Variants in AGBL1 observed in about 807,000 individuals in gnomAD.
AGBL1 encodes AGBL carboxypeptidase 1, also known as cytosolic carboxypeptidase 4.
A neutral mutation model predicts 118.9 loss-of-function variants in AGBL1; 130 were observed. The observed-to-expected ratio is 1.09, with a 90% CI of 0.95 to 1.26. The LOEUF (loss-of-function observed/expected upper bound fraction) is 1.26. AGBL1 is among the 50% of genes most tolerant of loss of function. The probability of loss-of-function intolerance (pLI) is 0.00; values close to 1 mark genes in which losing one functional copy is unlikely to be tolerated. For synonymous variants in AGBL1, 555 were observed against 478.9 expected (o/e 1.16, Z -2.08); for missense variants, 1,584 against 1,298.1 (o/e 1.22, Z -3.38).
chr15:86,389,942 G>C (rs1389342273), intron 17 of AGBL1, among the ~76,000 whole-genome samples: 1 of 151,982 alleles, frequency 6.6e-6, no homozygotes, highest in African/African-American at 2.4e-5. Flanking sequence ...ATATCAAATG[G>C]AAATTTTGAC....
rs1000196603 is a variant in AGBL1, at chr15:86,538,366, G to A, written c.2686-7636G>A. 1.4e-4 allele frequency among the ~76,000 whole-genome samples: 22 copies of A among 152,152 alleles called. 2 individuals carry two copies. The highest frequency in any genetic ancestry group is 1.4e-3 in the Admixed American group (21 of 15,290). On this transcript the variant is annotated intron_variant, in intron 19 of 22. Transcript: ENST00000614907. ...TGGTTAACCTCAGCTAGGACTGGATGTTGCTGATGACTCAGATGAAGCACT... is the reference window on the plus strand; with the variant it reads ...TGGTTAACCTCAGCTAGGACTGGATATTGCTGATGACTCAGATGAAGCACT...
chr15:86,216,698 T>C (rs1376730570), intron 5 of AGBL1, among the ~76,000 whole-genome samples: 1 of 152,198 alleles, frequency 6.6e-6, no homozygotes, highest in Non-Finnish European at 1.5e-5. Context: ...TGGCTTCTAC[T>C]CTTGTCTTCC....
At chr15:86,679,838 G>C (rs1255000054) in intron 22 of AGBL1, among the ~76,000 whole-genome samples, 1 of 152,042 alleles carries the variant, frequency 6.6e-6, no homozygotes, top group Non-Finnish European at 1.5e-5. Flanking sequence ...AAATCTTATA[G>C]ATTTTCTAAT....
At chr15:86,324,068 A>G (rs1702655152) in intron 17 of AGBL1, among the ~76,000 whole-genome samples, 1 of 152,224 alleles carries the variant, frequency 6.6e-6, no homozygotes, top group African/African-American at 2.4e-5. Context: ...AGTCATAAGC[A>G]TGTCTCATTC....
chr15:86,931,474 C>T lies in AGBL1; in HGVS notation c.3222-56513C>T, dbSNP rs76082024. Among the ~76,000 whole-genome samples the T allele has an allele frequency of 4.8e-3, 723 of 152,114 alleles. 44 individuals are homozygous for T. In the East Asian group the frequency reaches 0.12, roughly 26 times the overall value. ...GCCTTACCATGCTGGGCAAGTGGAC[C>T]CCAGTTCAGTTTGGTAACAATAGGA... On this transcript the variant is annotated intron_variant, in intron 23 of 24. Coordinates refer to the AGBL1 transcript ENST00000441037.
chr15:86,725,331 G>A (rs1303636818), intron 22 of AGBL1, among the ~76,000 whole-genome samples: 1 of 152,184 alleles, frequency 6.6e-6, no homozygotes, highest in Non-Finnish European at 1.5e-5. Flanking sequence ...CACAGAAAAT[G>A]ATCAAGTAAT....
Position 86,264,263 on chromosome 15 carries a change from G to C in AGBL1, c.1092G>C (p.Leu364=). ...CLELSYSFEE[L]QSKLGDDLNS... ...ATTCCATTTTGAACCTGAAGGAACTGCAGTCCAAACTTGGAGATGATTTGA... is the reference window on the plus strand; with the variant it reads ...ATTCCATTTTGAACCTGAAGGAACTCCAGTCCAAACTTGGAGATGATTTGA... The change falls in exon 11 of 23, where the codon CTG becomes CTC. Residue 364 remains leucine (L), a synonymous_variant. Transcript: ENST00000614907. 6.3e-7 allele frequency: 1 copy of C among 1,590,150 alleles called. No homozygotes were observed. The highest frequency in any genetic ancestry group is 8.6e-7 in the Non-Finnish European group (1 of 1,168,216).
intron 6 of AGBL1, among the ~76,000 whole-genome samples, chr15:86,229,390 A>G (rs924625030): frequency 1.3e-5 from 2 of 152,090 alleles, no homozygotes; most frequent in Admixed American, 6.5e-5. Context: ...GGGCAAAAAA[A>G]CCCTTATGAA....
chr15:86,817,713 T>A (rs572917208), intron 22 of AGBL1, among the ~76,000 whole-genome samples: 1 of 151,882 alleles, frequency 6.6e-6, no homozygotes, highest in African/African-American at 2.4e-5. Flanking sequence ...TGGGTTGAAT[T>A]GTGGTCCTCC....
chr15:86,404,103 G>C (rs2081488361), intron 18 of AGBL1, among the ~76,000 whole-genome samples: 2 of 152,150 alleles, frequency 1.3e-5, no homozygotes, highest in Non-Finnish European at 1.5e-5. Flanking sequence ...TATAAATAGA[G>C]TCTTAGCCCC....
chr15:87,027,881 G>A (rs1391541651), intron 24 of AGBL1, among the ~76,000 whole-genome samples: 1 of 151,842 alleles, frequency 6.6e-6, no homozygotes, highest in East Asian at 1.9e-4. Context: ...GGGGCCTCTC[G>A]AGGGGTGTAG....
intron 22 of AGBL1, among the ~76,000 whole-genome samples, chr15:86,900,787 T>C (rs1413928947): frequency 2.0e-5 from 3 of 152,156 alleles, no homozygotes; most frequent in Non-Finnish European, 4.4e-5. Flanking sequence ...GATTGTGTCT[T>C]CTTTAAAGCT....
At chr15:86,407,698 A>T (rs2081549899) in intron 18 of AGBL1, among the ~76,000 whole-genome samples, 2 of 152,148 alleles carry the variant, frequency 1.3e-5, no homozygotes, top group Non-Finnish European at 2.9e-5. Context: ...GTCATCATTT[A>T]CTGTCTTGAA....
chr15:86,847,277 G>A (rs987060339), intron 22 of AGBL1, among the ~76,000 whole-genome samples: 4 of 152,152 alleles, frequency 2.6e-5, no homozygotes, highest in African/African-American at 9.7e-5. Flanking sequence ...TCTAATCACT[G>A]CTTGTTCTTT....
intron 3 of AGBL1, among the ~76,000 whole-genome samples, chr15:86,145,522 G>A (rs2077021203): frequency 6.6e-6 from 1 of 152,138 alleles, no homozygotes; most frequent in African/African-American, 2.4e-5. Context: ...CTGAAAAGTG[G>A]GCCTTTGATG....
intron 22 of AGBL1, among the ~76,000 whole-genome samples, chr15:86,848,565 T>TGGTCCC (rs2079352687): frequency 6.6e-6 from 1 of 152,190 alleles, no homozygotes; most frequent in South Asian, 2.1e-4. Context: ...GAACTAAACA[T>TGGTCCC]AATACTTCAA....
intron 1 of AGBL1, among the ~76,000 whole-genome samples, chr15:86,119,804 A>G (rs28604527): frequency 6.6e-6 from 1 of 152,096 alleles, no homozygotes; most frequent in Non-Finnish European, 1.5e-5. Flanking sequence ...ATAGTTTGCC[A>G]CACATCACTT....
rs139728962 is a variant in AGBL1 at position 86,589,505 on chromosome 15, T to C, written c.2994+34968T>C. Among the ~76,000 whole-genome samples, 831 of 152,322 alleles carry C rather than the reference T, an allele frequency of 5.5e-3. 11 individuals carry two copies. Among genetic ancestry groups the C allele is most frequent in the African/African-American group, 0.019 (779 of 41,582 alleles). The stretch of plus-strand genomic sequence containing the variant: ...GATATGCATGCATTCTGGAGATGTA[T>C]AGAAATTCTAATTACTTATAAACTT... On this transcript the variant is annotated intron_variant, in intron 21 of 22. Coordinates refer to ENST00000614907, the MANE Select transcript of AGBL1 (RefSeq NM_001386094.1).
intron 23 of AGBL1, among the ~76,000 whole-genome samples, chr15:86,927,391 C>A (rs2080554402): frequency 6.7e-6 from 1 of 149,408 alleles, no homozygotes; most frequent in Non-Finnish European, 1.5e-5. Flanking sequence ...GAGTTTGACA[C>A]CAGCCTGGGC....
Sources: gnomAD v4.1 joint callset for allele counts (sites outside exome capture counted in the v4.1 genomes callset) on GRCh38, gnomAD v4.1.1 for gene constraint, MANE v1.5 for transcripts, NCBI Gene and HGNC (gene_info 2026-07-23, HGNC 2026-07-21) for gene names.